Variants in PNPLA6 observed in about 807,000 individuals in gnomAD.
The protein encoded by PNPLA6 is patatin-like phospholipase domain-containing protein 6.
Under a neutral mutation model 153.7 loss-of-function variants are expected in PNPLA6, and 105 were observed. That is an observed-to-expected ratio of 0.68 (90% CI 0.58 to 0.80). The LOEUF (loss-of-function observed/expected upper bound fraction) is 0.80, where lower values mean the gene tolerates loss of function less well. Among genes scored for constraint, PNPLA6 ranks in the 30% least tolerant of loss-of-function variants. The pLI is 0.00. For missense variants in PNPLA6, 1,423 were observed against 1,919.3 expected (o/e 0.74, Z 4.83); for synonymous variants, 825 against 822.2 (o/e 1.00, Z -0.06).
chr19:7,540,496 C>A lies in PNPLA6; in HGVS notation c.715-134C>A. The A allele has an allele frequency of 2.0e-6, 2 of 982,308 alleles. No individual in the cohort carries two copies. The highest frequency in any genetic ancestry group is 1.9e-5 in the Admixed American group (1 of 53,012). The allele number at this position is 982,308 out of a possible 1,614,324, so 60.8% of individuals were successfully genotyped here. A position where few individuals can be genotyped will look rare whatever the true frequency, so the allele number is the denominator to read the frequency against. The stretch of plus-strand genomic sequence containing the variant: ...ACAAGTATTGAACGATGGGAGATGC[C>A]TGCTCGTTGGAAGGGTTGGTGGGTT... On this transcript the variant is annotated intron_variant, in intron 5 of 31. Transcript: ENST00000600737. This position sits in a 1 kb window ranked among gnomAD's most constrained non-coding sequence, Gnocchi z 6.8.
intron 13 of PNPLA6, among the ~76,000 whole-genome samples, chr19:7,545,764 T>C (rs1555746760): frequency 6.6e-6 from 1 of 151,694 alleles, no homozygotes; most frequent in South Asian, 2.1e-4. Flanking sequence ...ATTCAAAAAT[T>C]AGTCAGGCAC....
At chr19:7,539,847 G>T in intron 3 of PNPLA6, 71 bp from the exon 4 acceptor site, 1 of 1,040,014 alleles carries the variant, frequency 9.6e-7, no homozygotes, top group Non-Finnish European at 1.4e-6. Context: ...AAAGGGGTAT[G>T]CGGGGGTCTT....
rs757680254 is a variant in PNPLA6, at chr19:7,558,896, C to T, written c.3444C>T (p.Asp1148=). 3.1e-5 allele frequency: 50 copies of T among 1,613,638 alleles called. No homozygotes were observed. The highest frequency in any genetic ancestry group is 1.1e-4 in the East Asian group (5 of 44,896). ...GTGCCAAAACGGTCATCGCCATTGA[C>T]GTGGGGAGCCAGGATGAGACGGACC... ...SMGAKTVIAI[D]VGSQDETDLS... The change falls in exon 28 of 32, where the codon GAC becomes GAT. Residue 1148 remains aspartate (D), a synonymous_variant. Coordinates refer to ENST00000600737, the MANE Select transcript of PNPLA6 (RefSeq NM_001166114.2).
Position 7,540,192 on chromosome 19 carries a change from CG to C in PNPLA6, c.599del (p.Arg200ProfsTer46), listed in dbSNP as rs1179184026. The C allele has an allele frequency of 6.2e-7, 1 of 1,610,724 alleles. No individual in the cohort carries two copies. The highest frequency in any genetic ancestry group is 8.5e-7 in the Non-Finnish European group (1 of 1,180,004). On this transcript the variant is annotated frameshift_variant, in exon 5 of 32. Transcript: ENST00000600737. LOFTEE classifies it high-confidence loss of function. This position sits in a 1 kb window ranked among gnomAD's most constrained non-coding sequence, Gnocchi z 6.8. Reference sequence around the variant, plus strand: ...GAAGCCACTCTTCCTGGAGCTCTGCCGCCACATGGTCTTCCAGCGGCTGGGC... The same window carrying C: ...GAAGCCACTCTTCCTGGAGCTCTGCCCCACATGGTCTTCCAGCGGCTGGGC... ...FEKPLFLELC[R>X]HMVFQRLGQG...
In PNPLA6 at chr19:7,551,446, C is replaced by A; in HGVS notation, c.2260+9C>A. 4 of 1,612,256 alleles carry A rather than the reference C, an allele frequency of 2.5e-6. No homozygotes were observed. Among genetic ancestry groups the A allele is most frequent in the Non-Finnish European group, 2.5e-6 (3 of 1,178,490 alleles). On this transcript the variant is annotated intron_variant, in intron 18 of 31. Coordinates refer to ENST00000600737, the MANE Select transcript of PNPLA6 (RefSeq NM_001166114.2). ...GCAAGGACCCTTCCCAGGTGAGAGC[C>A]GGCCGGCCCAGAGCGTGCTGGGAGA...
In PNPLA6 at chr19:7,535,875, C is replaced by T; in HGVS notation, c.87C>T (p.Pro29=). ...ATGGGTTCCAGGACGTCCTGGCGCC[C>T]GGGGAAGGCTCGGCGGGACGGATTT... is the stretch of plus-strand genomic sequence containing the variant. ...ERDGFQDVLA[P]GEGSAGRICG... The change falls in exon 1 of 32, where the codon CCC becomes CCT. Residue 29 remains proline (P), a synonymous_variant. Transcript: ENST00000600737. This position sits in a 1 kb window ranked among gnomAD's most constrained non-coding sequence, Gnocchi z 5.0. 6.5e-7 allele frequency: 1 copy of T among 1,542,666 alleles called. No homozygotes were observed. The highest frequency in any genetic ancestry group is 1.4e-5 in the African/African-American group (1 of 73,688).
rs1357378537 is a variant in PNPLA6 at position 7,561,757 on chromosome 19, C to T, written c.*195C>T. The T allele has an allele frequency of 2.9e-6, 2 of 700,352 alleles. No homozygotes were observed. The highest frequency in any genetic ancestry group is 2.7e-5 in the East Asian group (1 of 37,204). The allele number at this position is 700,352 out of a possible 1,614,324, so 43.4% of individuals were successfully genotyped here. A position where few individuals can be genotyped will look rare whatever the true frequency, so the allele number is the denominator to read the frequency against. ...AGCCCCTCCCCCAATAAACTCGCCT[C>T]TTGGAAATGGCTTCCTGTCGTTTTC... On this transcript the variant is annotated 3_prime_UTR_variant, in exon 32 of 32. Transcript: ENST00000600737.
At chr19:7,558,272 G>T (rs983903194) in intron 27 of PNPLA6, among the ~76,000 whole-genome samples, 1 of 152,234 alleles carries the variant, frequency 6.6e-6, no homozygotes, top group African/African-American at 2.4e-5. Context: ...TCACAATCTT[G>T]TAGGCCAGGG....
At chr19:7,554,503 C>A in intron 20 of PNPLA6, 52 bp from the exon 21 acceptor site, 1 of 1,596,146 alleles carries the variant, frequency 6.3e-7, no homozygotes. Flanking sequence ...TCTCGGGGAG[C>A]ACACTGACCC....
chr19:7,554,375 C>T (rs552161666), intron 20 of PNPLA6, 103 bp downstream of exon 20: 26 of 1,282,064 alleles, frequency 2.0e-5, no homozygotes, highest in East Asian at 4.6e-5. Flanking sequence ...ACGGAGCCTG[C>T]GTCTTACCCA....
At chr19:7,560,499 G>A in intron 28 of PNPLA6, 149 bp from the exon 29 acceptor site, 1 of 706,544 alleles carries the variant, frequency 1.4e-6, no homozygotes, top group South Asian at 1.5e-5. Flanking sequence ...AGGCGAGTGT[G>A]CTATGTGCAG....
chr19:7,535,330 T>G (rs1599261514), upstream of PNPLA6: 1 of 622,632 alleles, frequency 1.6e-6, no homozygotes, highest in Non-Finnish European at 2.9e-6. This position sits in a 1 kb window ranked among gnomAD's most constrained non-coding sequence, Gnocchi z 5.0. Context: ...GGCCGAGAGG[T>G]CGGTTTGCTC....
chr19:7,558,377 A>G (rs1277520515), intron 27 of PNPLA6, among the ~76,000 whole-genome samples: 2 of 152,218 alleles, frequency 1.3e-5, no homozygotes, highest in Non-Finnish European at 2.9e-5. Flanking sequence ...CATGCCTGTA[A>G]TCCCAGCACT....
At chr19:7,543,884 G>A (rs1393115114) in intron 13 of PNPLA6, among the ~76,000 whole-genome samples, 1 of 151,450 alleles carries the variant, frequency 6.6e-6, no homozygotes, top group East Asian at 1.9e-4. Flanking sequence ...CGTGACGGTG[G>A]CTCACTGCAA....
intron 18 of PNPLA6, among the ~76,000 whole-genome samples, chr19:7,552,774 A>AAAG (rs953984454): frequency 5.6e-5 from 3 of 53,784 alleles, no homozygotes; most frequent in Non-Finnish European, 1.0e-4. Flanking sequence ...AAAAAGAAAG[A>AAAG]AAAAAAAAAA....
Position 7,542,919 on chromosome 19 carries a change from G to A in PNPLA6, c.1521G>A (p.Met507Ile), listed in dbSNP as rs769437401. The A allele has an allele frequency of 5.6e-6, 9 of 1,613,684 alleles. No homozygotes were observed. The South Asian group carries it at 8.8e-5, about 16-fold the overall frequency. Residue 507 changes from methionine to isoleucine, a missense_variant, in exon 12 of 32, where the codon ATG becomes ATA. Physicochemically the swap from Met to Ile is conservative, Grantham distance 10 (BLOSUM62 1). Around this residue, in one of 10 missense-constraint regions of PNPLA6, gnomAD observed 267 missense variants for 255.1 expected, o/e 1.05. Coordinates refer to ENST00000600737, the MANE Select transcript of PNPLA6 (RefSeq NM_001166114.2). ...EAAKQELAKL[M>I]RIEDPSLLNS... ...CAAAGCAGGAGCTGGCCAAGCTGAT[G>A]CGGATTGAGGTGGGCAGCCGAGGGG...
Position 7,550,507 on chromosome 19 carries a change from G to A in PNPLA6, c.1947-10G>A. 1.9e-6 allele frequency: 3 copies of A among 1,612,930 alleles called. No individual in the cohort carries two copies. The highest frequency in any genetic ancestry group is 2.5e-6 in the Non-Finnish European group (3 of 1,179,910). On this transcript the variant is annotated splice_polypyrimidine_tract_variant and intron_variant, in intron 15 of 31. Coordinates refer to ENST00000600737, the MANE Select transcript of PNPLA6 (RefSeq NM_001166114.2). The stretch of plus-strand genomic sequence containing the variant: ...GTGGTCAGACCTTGCTGACCTCCAC[G>A]CCCACTCAGGCAGGGCGACCGCTCC...
chr19:7,553,121 T>G (rs529665608), intron 18 of PNPLA6, among the ~76,000 whole-genome samples: 1 of 152,130 alleles, frequency 6.6e-6, no homozygotes, highest in South Asian at 2.1e-4. Flanking sequence ...GGAGGAAGGA[T>G]TCCACCAGTA....
intron 1 of PNPLA6, 52 bp from the exon 2 acceptor site, chr19:7,536,139 A>G (rs369473509): frequency 2.6e-6 from 4 of 1,515,170 alleles, no homozygotes; most frequent in Non-Finnish European, 3.7e-6. Flanking sequence ...CAGCTCTGGC[A>G]GGGTGGAGTC....
Sources: allele counts gnomAD v4.1 joint callset (sites outside exome capture counted in the v4.1 genomes callset), GRCh38; gene constraint gnomAD v4.1.1; regional missense constraint gnomAD v4.1.1; non-coding constraint Gnocchi (gnomAD v3.1); transcripts MANE v1.5; gene names NCBI Gene and HGNC (gene_info 2026-07-23, HGNC 2026-07-21).